TSPAN15: variants seen among roughly 807,000 people sequenced by gnomAD.
TSPAN15 encodes tetraspanin-15.
A neutral mutation model predicts 34.5 loss-of-function variants in TSPAN15; 20 were observed. The observed-to-expected ratio is 0.58, with a 90% confidence interval of 0.41 to 0.84. The LOEUF (loss-of-function observed/expected upper bound fraction) is 0.84, where lower values mean the gene tolerates loss of function less well. TSPAN15 is among the 40% of genes least tolerant of loss of function. TSPAN15 has a pLI of 0.00. For missense variants in TSPAN15, 313 were observed against 386.1 expected, an observed-to-expected ratio of 0.81 and a Z score of 1.59; for synonymous variants, 155 against 153.9, an observed-to-expected ratio of 1.01 and a Z score of -0.05.
chr10:69,548,296 G>A, the TSPAN15 span, among the ~76,000 whole-genome samples: 1 of 152,170 alleles, frequency 6.6e-6, no homozygotes, highest in African/African-American at 2.4e-5. Flanking sequence ...CAGAAGACAG[G>A]TATGATCCTA....
rs1840964681 is a variant in TSPAN15, at chr10:69,451,502, G to A, written c.-93G>A. ...GAGAACGCCGGTGGCGGGGCTGGTA[G>A]CCCGGCAGCCGCAGGTGGGGCCACG... On this transcript the variant is annotated 5_prime_UTR_variant, in exon 1 of 8. Coordinates refer to ENST00000373290, the MANE Select transcript of TSPAN15 (RefSeq NM_012339.5). 4.7e-6 allele frequency: 6 copies of A among 1,277,658 alleles called. No individual in the cohort carries two copies. The highest frequency in any genetic ancestry group is 5.9e-6 in the Non-Finnish European group (6 of 1,010,656). The allele number at this position is 1,277,658 out of a possible 1,614,324, so 79.1% of individuals were successfully genotyped here. A position where few individuals can be genotyped will look rare whatever the true frequency, so the allele number is the denominator to read the frequency against.
chr10:69,517,456 A>G, the TSPAN15 span, among the ~76,000 whole-genome samples: 1 of 152,192 alleles, frequency 6.6e-6, no homozygotes, highest in Non-Finnish European at 1.5e-5. Flanking sequence ...TGAGGCTGAC[A>G]AGGGCTCCAC....
At chr10:69,478,480 C>T (rs764660669) in intron 1 of TSPAN15, among the ~76,000 whole-genome samples, 44 of 152,172 alleles carry the variant, frequency 2.9e-4, no homozygotes, top group Admixed American at 5.9e-4. Context: ...AATGCGGGCT[C>T]TGGCAGGGGG....
At chr10:69,545,800 C>CA in the TSPAN15 span, among the ~76,000 whole-genome samples, 3 of 151,916 alleles carry the variant, frequency 2.0e-5, no homozygotes, top group African/African-American at 7.3e-5. Flanking sequence ...ACTAAGAATA[C>CA]AAAAAATTAG....
At chr10:69,504,609 AC>A in intron 6 of TSPAN15, 124 bp downstream of exon 6, 1 of 1,004,038 alleles carries the variant, frequency 1.0e-6, no homozygotes, top group Non-Finnish European at 1.5e-6. Flanking sequence ...CCTGGCTGTG[AC>A]CCAGAGCCAG....
the TSPAN15 span, chr10:69,523,218 G>A: frequency 7.3e-6 from 2 of 275,056 alleles, no homozygotes; most frequent in Non-Finnish European, 1.4e-5. Context: ...TGTTTTGTTT[G>A]TTTGTTATTT....
the TSPAN15 span, among the ~76,000 whole-genome samples, chr10:69,545,386 G>A: frequency 1.5e-4 from 23 of 152,272 alleles, no homozygotes; most frequent in East Asian, 3.9e-4. Context: ...AGGAGGCTAC[G>A]GAAATGCGGG....
intron 3 of TSPAN15, chr10:69,495,334 C>T (rs7098301): frequency 0.35 from 148,002 of 424,572 alleles, 28,211 homozygotes; most frequent in African/African-American, 0.57. Flanking sequence ...GTCTGGTCTG[C>T]AAAGGGAGTG....
intron 5 of TSPAN15, among the ~76,000 whole-genome samples, chr10:69,501,918 TC>T (rs1243934753): frequency 6.6e-6 from 1 of 152,106 alleles, no homozygotes; most frequent in Non-Finnish European, 1.5e-5. Flanking sequence ...CTTATGAGAA[TC>T]AAACTAATGC....
At chr10:69,525,422 A>T in the TSPAN15 span, among the ~76,000 whole-genome samples, 2 of 144,826 alleles carry the variant, frequency 1.4e-5, no homozygotes, top group Admixed American at 7.3e-5. Flanking sequence ...CTGAGATGAG[A>T]GATTGCTTGA....
intron 1 of TSPAN15, among the ~76,000 whole-genome samples, chr10:69,475,719 G>A (rs779751996): frequency 6.6e-6 from 1 of 152,268 alleles, no homozygotes; most frequent in South Asian, 2.1e-4. Context: ...TTGCCAACAG[G>A]AGGGGTAGCA....
At chr10:69,453,171 C>T (rs1472749688) in intron 1 of TSPAN15, among the ~76,000 whole-genome samples, 1 of 152,032 alleles carries the variant, frequency 6.6e-6, no homozygotes, top group Non-Finnish European at 1.5e-5. Flanking sequence ...GAGCAAGGAC[C>T]TGTTGGTGGA....
the TSPAN15 span, among the ~76,000 whole-genome samples, chr10:69,531,935 CAAAACAAAAAA>C: frequency 1.1e-4 from 13 of 113,662 alleles, no homozygotes; most frequent in Admixed American, 1.9e-4. Context: ...ACAAACAAAA[CAAAACAAAAAA>C]AAAACAAAAA....
intron 3 of TSPAN15, among the ~76,000 whole-genome samples, chr10:69,487,072 C>T (rs941434385): frequency 1.1e-4 from 16 of 151,438 alleles, no homozygotes; most frequent in Non-Finnish European, 1.6e-4. Context: ...GGCCAGCCTG[C>T]GGCTTTCCAG....
chr10:69,527,201 G>A, the TSPAN15 span, among the ~76,000 whole-genome samples: 8 of 147,990 alleles, frequency 5.4e-5, 1 homozygote, highest in Admixed American at 4.9e-4. Context: ...TAAAACAGGG[G>A]TGTCCAAACT....
chr10:69,455,610 C>CTTTCTTTCTTTCTT (rs1564595618), intron 1 of TSPAN15, among the ~76,000 whole-genome samples: 17 of 87,488 alleles, frequency 1.9e-4, no homozygotes, highest in African/African-American at 6.0e-4. Context: ...CTTTCTTTCT[C>CTTTCTTTCTTTCTT]TCTCTCTCTC....
intron 4 of TSPAN15, 72 bp from the exon 5 acceptor site, chr10:69,498,208 G>A: frequency 7.2e-7 from 1 of 1,383,082 alleles, no homozygotes; most frequent in Non-Finnish European, 1.0e-6. Flanking sequence ...TCTCCTGACA[G>A]GGCCCCTTCC....
chr10:69,548,319 C>A, the TSPAN15 span, among the ~76,000 whole-genome samples: 20 of 152,222 alleles, frequency 1.3e-4, no homozygotes, highest in Non-Finnish European at 1.3e-4. Flanking sequence ...ATAGTCCAGT[C>A]CTCATTATTG....
At chr10:69,501,915 GAATC>G (rs986422214) in intron 5 of TSPAN15, among the ~76,000 whole-genome samples, 19 of 152,236 alleles carry the variant, frequency 1.2e-4, no homozygotes, top group Admixed American at 1.0e-3. Flanking sequence ...CTCCTTATGA[GAATC>G]AAACTAATGC....
Sources: gnomAD v4.1 joint callset for allele counts (sites outside exome capture counted in the v4.1 genomes callset) on GRCh38, gnomAD v4.1.1 for gene constraint, MANE v1.5 for transcripts, NCBI Gene and HGNC (gene_info 2026-07-23, HGNC 2026-07-21) for gene names.